Variants in TAMM41 observed in about 807,000 individuals in gnomAD.
The protein encoded by TAMM41 is phosphatidate cytidylyltransferase, mitochondrial.
A neutral mutation model predicts 44.1 loss-of-function variants in TAMM41; 36 were observed. The ratio of observed to expected loss-of-function variants is 0.82; its 90% CI spans 0.63 to 1.08. The LOEUF is 1.08. Among genes scored for constraint, TAMM41 ranks in the 50% least tolerant of loss-of-function variants. The pLI is 0.00. For missense variants in TAMM41, 417 were observed against 404.3 expected, an observed-to-expected ratio of 1.03 and a Z score of -0.27; for synonymous variants, 164 against 153.1, an observed-to-expected ratio of 1.07 and a Z score of -0.53.
At chr3:11,775,472 A>C in the TAMM41 span, among the ~76,000 whole-genome samples, 1 of 152,230 alleles carries the variant, frequency 6.6e-6, no homozygotes, top group Admixed American at 6.5e-5. Context: ...TTCTGCAGTC[A>C]CATCTCCAAC....
chr3:11,746,544 C>T, the TAMM41 span, among the ~76,000 whole-genome samples: 1 of 152,040 alleles, frequency 6.6e-6, no homozygotes, highest in African/African-American at 2.4e-5. Context: ...AATAAAAGAA[C>T]TACTGATATA....
At chr3:11,748,479 G>A in the TAMM41 span, among the ~76,000 whole-genome samples, 1 of 151,698 alleles carries the variant, frequency 6.6e-6, no homozygotes, top group Non-Finnish European at 1.5e-5. Flanking sequence ...GTGCAGTGGT[G>A]TAATCCCTCC....
chr3:11,734,628 T>C, the TAMM41 span, among the ~76,000 whole-genome samples: 1 of 152,178 alleles, frequency 6.6e-6, no homozygotes, highest in Non-Finnish European at 1.5e-5. Flanking sequence ...CAACACATAG[T>C]TCATTGAGTG....
chr3:11,821,340 C>T (rs1021140894), intron 4 of TAMM41, among the ~76,000 whole-genome samples: 1 of 152,176 alleles, frequency 6.6e-6, no homozygotes, highest in African/African-American at 2.4e-5. Flanking sequence ...GACAGTCCCT[C>T]TGGGGGTGAT....
chr3:11,741,047 C>T, the TAMM41 span, among the ~76,000 whole-genome samples: 195 of 145,140 alleles, frequency 1.3e-3, 12 homozygotes, highest in African/African-American at 5.0e-3. Context: ...GGTGAAACCC[C>T]GCCTCTACTA....
At chr3:11,808,683 C>A in intron 6 of TAMM41, 1 of 899,836 alleles carries the variant, frequency 1.1e-6, no homozygotes, top group East Asian at 1.2e-4. Context: ...ACCTTTAGCA[C>A]CTTAAAGGGA....
the TAMM41 span, among the ~76,000 whole-genome samples, chr3:11,730,096 GC>G: frequency 6.6e-6 from 1 of 152,052 alleles, no homozygotes; most frequent in Non-Finnish European, 1.5e-5. Flanking sequence ...ATAAATAATT[GC>G]ATTTGGCAGG....
intron 3 of TAMM41, among the ~76,000 whole-genome samples, chr3:11,831,196 G>A (rs2078969052): frequency 6.6e-6 from 1 of 152,176 alleles, no homozygotes; most frequent in Admixed American, 6.5e-5. Flanking sequence ...GCTTCACCTG[G>A]AGAACTCGTT....
In TAMM41 at chr3:11,844,074, A is replaced by T; in HGVS notation, c.273T>A (p.Tyr91Ter). The change falls in exon 2 of 8, where the codon TAT (tyrosine) becomes TAA (stop). Residue 91 changes from tyrosine (Y) to a stop codon, truncating the protein, a stop_gained. Coordinates refer to ENST00000455809, the MANE Select transcript of TAMM41 (RefSeq NM_001284401.2). LOFTEE classifies it high-confidence loss of function. ...PKIITSIQNN[Y>*]GAGVYYNSLI... ...ATGAATTGTAGTAAACTCCAGCGCC[A>T]TAGTTATTCTGGATGGACGTGATAA... 1 of 1,614,190 alleles carries T rather than the reference A, an allele frequency of 6.2e-7. No individual in the cohort carries two copies. The highest frequency in any genetic ancestry group is 8.5e-7 in the Non-Finnish European group (1 of 1,180,028).
intron 5 of TAMM41, chr3:11,811,311 A>G (rs1051030427): frequency 4.6e-5 from 7 of 152,220 alleles, no homozygotes; most frequent in African/African-American, 1.4e-4. Flanking sequence ...TTTATGTAAA[A>G]TAATCTTAGA....
chr3:11,769,384 A>G, the TAMM41 span, among the ~76,000 whole-genome samples: 1 of 144,928 alleles, frequency 6.9e-6, no homozygotes, highest in African/African-American at 2.6e-5. Context: ...TTGTAAGCAG[A>G]AGAGTGGTGT....
chr3:11,794,474 G>A (rs1293074197), intron 7 of TAMM41, among the ~76,000 whole-genome samples: 2 of 152,096 alleles, frequency 1.3e-5, no homozygotes, highest in South Asian at 2.1e-4. Context: ...AAAGGATGAT[G>A]ATTTAGGAAT....
chr3:11,746,662 T>C, the TAMM41 span, among the ~76,000 whole-genome samples: 1 of 152,190 alleles, frequency 6.6e-6, no homozygotes, highest in Non-Finnish European at 1.5e-5. Flanking sequence ...TATTTATTTA[T>C]TTTTAAGGCA....
chr3:11,740,727 G>A, the TAMM41 span, among the ~76,000 whole-genome samples: 1 of 151,640 alleles, frequency 6.6e-6, no homozygotes, highest in Non-Finnish European at 1.5e-5. Flanking sequence ...CACCGCGCCC[G>A]GCTGATTTTT....
intron 5 of TAMM41, 124 bp downstream of exon 5, chr3:11,817,068 T>C: frequency 9.8e-7 from 1 of 1,017,354 alleles, no homozygotes; most frequent in South Asian, 2.0e-5. Flanking sequence ...TATGTTTACA[T>C]ACAGTACTTA....
At chr3:11,808,709 A>T in intron 6 of TAMM41, 1 of 786,418 alleles carries the variant, frequency 1.3e-6, no homozygotes, top group Non-Finnish European at 1.5e-6. Flanking sequence ...GTCTCTGAAG[A>T]TAAGGTTCAG....
the TAMM41 span, among the ~76,000 whole-genome samples, chr3:11,770,451 G>A: frequency 6.6e-6 from 1 of 152,318 alleles, no homozygotes; most frequent in Admixed American, 6.5e-5. Context: ...TCTCAACTGG[G>A]ATTTCTCCCA....
At chr3:11,798,517 G>A (rs2077666739) in intron 7 of TAMM41, among the ~76,000 whole-genome samples, 2 of 152,070 alleles carry the variant, frequency 1.3e-5, no homozygotes, top group Non-Finnish European at 2.9e-5. Context: ...GGATGGGAGG[G>A]GTGAGAGGAT....
the TAMM41 span, among the ~76,000 whole-genome samples, chr3:11,780,017 A>G: frequency 1.3e-5 from 2 of 152,228 alleles, no homozygotes; most frequent in Admixed American, 1.3e-4. Context: ...ATTCTCAGTG[A>G]TCCTGCCCTG....
Sources: allele counts gnomAD v4.1 joint callset (sites outside exome capture counted in the v4.1 genomes callset), GRCh38; gene constraint gnomAD v4.1.1; transcripts MANE v1.5; gene names NCBI Gene and HGNC (gene_info 2026-07-23, HGNC 2026-07-21).